PCOLCE2: variants seen among roughly 807,000 people sequenced by gnomAD.
PCOLCE2 encodes procollagen C-endopeptidase enhancer 2.
PCOLCE2 carries 42 observed loss-of-function variants against 47.0 expected under a neutral mutation model. The observed-to-expected ratio is 0.89, with a 90% CI of 0.70 to 1.16. The LOEUF (loss-of-function observed/expected upper bound fraction) is 1.16, where lower values mean the gene tolerates loss of function less well. Among genes scored for constraint, PCOLCE2 ranks in the 50% most tolerant of loss-of-function variants. PCOLCE2 has a pLI of 0.00. For missense variants in PCOLCE2, 500 were observed against 526.1 expected (o/e 0.95, Z 0.49); for synonymous variants, 169 against 191.7 (o/e 0.88, Z 0.98).
intron 3 of PCOLCE2, among the ~76,000 whole-genome samples, chr3:142,846,362 T>TA (rs1937328638): frequency 6.6e-6 from 1 of 152,110 alleles, no homozygotes; most frequent in Non-Finnish European, 1.5e-5. Flanking sequence ...CATGCCTGGC[T>TA]AATTTTTTTG....
At chr3:142,854,819 G>A (rs943470296) in intron 2 of PCOLCE2, among the ~76,000 whole-genome samples, 2 of 152,224 alleles carry the variant, frequency 1.3e-5, no homozygotes, top group South Asian at 2.1e-4. Flanking sequence ...CACTATATAC[G>A]TATCATTTCA....
At chr3:142,840,113 C>T (rs899807423) in intron 4 of PCOLCE2, among the ~76,000 whole-genome samples, 1 of 152,156 alleles carries the variant, frequency 6.6e-6, no homozygotes, top group Non-Finnish European at 1.5e-5. Flanking sequence ...GAATTGATGG[C>T]AGTGTCTTCT....
intron 5 of PCOLCE2, among the ~76,000 whole-genome samples, chr3:142,832,240 G>T (rs891320745): frequency 6.6e-6 from 1 of 151,938 alleles, no homozygotes; most frequent in Admixed American, 6.6e-5. Flanking sequence ...ACTTTACCTG[G>T]ACCATTGCAA....
chr3:142,883,291 G>A (rs1933660959), intron 2 of PCOLCE2, among the ~76,000 whole-genome samples: 1 of 151,252 alleles, frequency 6.6e-6, no homozygotes, highest in Non-Finnish European at 1.5e-5. Flanking sequence ...TAGGCTTTAA[G>A]TTTCCTCTGG....
chr3:142,820,514 T>C (rs1400310414), intron 8 of PCOLCE2, among the ~76,000 whole-genome samples: 2 of 152,142 alleles, frequency 1.3e-5, no homozygotes, highest in Admixed American at 1.3e-4. Flanking sequence ...CGGATATACC[T>C]CCCTCTTCTG....
At chr3:142,846,785 T>C (rs1184037097) in intron 3 of PCOLCE2, 6 of 152,202 alleles carry the variant, frequency 3.9e-5, no homozygotes. Context: ...AGATCCTGTT[T>C]CTTTTATCTC....
intron 2 of PCOLCE2, among the ~76,000 whole-genome samples, chr3:142,882,100 G>C (rs1239699296): frequency 6.6e-6 from 1 of 151,758 alleles, no homozygotes; most frequent in Non-Finnish European, 1.5e-5. Flanking sequence ...CACAATCATA[G>C]CTCACTGCAC....
Position 142,824,491 on chromosome 3 carries a change from T to C in PCOLCE2, c.866-876A>G, listed in dbSNP as rs148546374. Among the ~76,000 whole-genome samples, 165 of 152,278 alleles carry C rather than the reference T, an allele frequency of 1.1e-3. 2 individuals carry two copies. In the South Asian group the frequency reaches 0.023, roughly 21 times the overall value. Reference sequence around the variant, plus strand: ...ATCTTAAGAATGTTTCAGAAATACTTGCTAATTATTTGTTTCTGTGTGACA... The same window carrying C: ...ATCTTAAGAATGTTTCAGAAATACTCGCTAATTATTTGTTTCTGTGTGACA... On this transcript the variant is annotated intron_variant, in intron 6 of 8. Coordinates refer to ENST00000295992, the MANE Select transcript of PCOLCE2 (RefSeq NM_013363.4).
intron 6 of PCOLCE2, among the ~76,000 whole-genome samples, chr3:142,828,878 A>C (rs1274771679): frequency 6.6e-6 from 1 of 152,212 alleles, no homozygotes; most frequent in African/African-American, 2.4e-5. Flanking sequence ...TCCACACCAC[A>C]CAGTGGCGCA....
intron 2 of PCOLCE2, among the ~76,000 whole-genome samples, chr3:142,882,996 C>G (rs1253488968): frequency 1.3e-5 from 2 of 151,710 alleles, no homozygotes; most frequent in Non-Finnish European, 2.9e-5. Context: ...GTCAGGAGAT[C>G]GAGACCATCC....
rs116838088 is a variant in PCOLCE2 at position 142,823,914 on chromosome 3, C to T, written c.866-299G>A. Among the ~76,000 whole-genome samples the T allele has an allele frequency of 3.8e-3, 585 of 152,204 alleles. 3 individuals are homozygous for T. Among genetic ancestry groups the T allele is most frequent in the South Asian group, 0.025 (119 of 4,820 alleles). ...AACAAACACTATAAGAAAATACAGG[C>T]GTACTCTGAGTGTGTGCCCTGTTTA... is the stretch of plus-strand genomic sequence containing the variant. On this transcript the variant is annotated intron_variant, in intron 6 of 8. Transcript: ENST00000295992.
chr3:142,863,101 A>G (rs1353051543), intron 2 of PCOLCE2, among the ~76,000 whole-genome samples: 8 of 148,536 alleles, frequency 5.4e-5, no homozygotes, highest in African/African-American at 4.9e-5. Context: ...GCAGGCAAAA[A>G]AAAAAAAAAA....
chr3:142,881,429 TG>T (rs1389754577), intron 2 of PCOLCE2, among the ~76,000 whole-genome samples: 2 of 152,238 alleles, frequency 1.3e-5, no homozygotes, highest in African/African-American at 4.8e-5. Flanking sequence ...TTTAGTTCCA[TG>T]ATTTCTATCA....
Position 142,888,950 on chromosome 3 carries a change from G to T in PCOLCE2, c.-54C>A, listed in dbSNP as rs565486224. The T allele has an allele frequency of 4.0e-6, 3 of 758,882 alleles. No homozygotes were observed. Among genetic ancestry groups the T allele is most frequent in the Non-Finnish European group, 5.8e-6 (3 of 520,002 alleles). The allele number at this position is 758,882 out of a possible 1,614,324, so 47.0% of individuals were successfully genotyped here. A position where few individuals can be genotyped will look rare whatever the true frequency, so the allele number is the denominator to read the frequency against. On this transcript the variant is annotated 5_prime_UTR_variant, in exon 1 of 9. Coordinates refer to ENST00000295992, the MANE Select transcript of PCOLCE2 (RefSeq NM_013363.4). ...CCACGGCGCGCGCGCCGGCACACAC[G>T]CCCCTCCGCACCCACCGCGCTCACA...
chr3:142,874,137 G>C (rs189243840), intron 2 of PCOLCE2, among the ~76,000 whole-genome samples: 1 of 152,108 alleles, frequency 6.6e-6, no homozygotes, highest in Non-Finnish European at 1.5e-5. Context: ...GTGCAGTGGC[G>C]CAATCTTGGC....
At chr3:142,840,346 A>G (rs912689290) in intron 4 of PCOLCE2, among the ~76,000 whole-genome samples, 3 of 152,220 alleles carry the variant, frequency 2.0e-5, no homozygotes, top group African/African-American at 4.8e-5. Context: ...CAAATGTTTA[A>G]AAGAACATTT....
chr3:142,857,415 G>A (rs989266329), intron 2 of PCOLCE2, among the ~76,000 whole-genome samples: 2 of 152,118 alleles, frequency 1.3e-5, no homozygotes, highest in African/African-American at 4.8e-5. Context: ...AGAACTCCGG[G>A]CACTGCATAC....
chr3:142,867,138 A>C (rs978813700), intron 2 of PCOLCE2, among the ~76,000 whole-genome samples: 2 of 152,112 alleles, frequency 1.3e-5, no homozygotes, highest in African/African-American at 4.8e-5. Context: ...CGCCTCCTCG[A>C]GCCTCCCAGT....
chr3:142,857,435 A>T (rs1176824355), intron 2 of PCOLCE2, among the ~76,000 whole-genome samples: 2 of 152,226 alleles, frequency 1.3e-5, no homozygotes, highest in African/African-American at 2.4e-5. Context: ...CATGCATGAT[A>T]CACTTCTAGA....
Sources: gnomAD v4.1 joint callset for allele counts (sites outside exome capture counted in the v4.1 genomes callset) on GRCh38, gnomAD v4.1.1 for gene constraint, MANE v1.5 for transcripts, NCBI Gene and HGNC (gene_info 2026-07-23, HGNC 2026-07-21) for gene names.